Variants in DAGLA observed in about 807,000 individuals in gnomAD.
DAGLA encodes the protein diacylglycerol lipase-alpha.
A neutral mutation model predicts 102.6 loss-of-function variants in DAGLA; 22 were observed. That is an observed-to-expected ratio of 0.21 (90% CI 0.15 to 0.31). The LOEUF is 0.31. DAGLA is among the 10% of genes least tolerant of loss of function. The probability of loss-of-function intolerance (pLI) is 1.00; values close to 1 mark genes in which losing one functional copy is unlikely to be tolerated. For synonymous variants in DAGLA, 578 were observed against 628.9 expected, an observed-to-expected ratio of 0.92 and a Z score of 1.21; for missense variants, 927 against 1,446.6, an observed-to-expected ratio of 0.64 and a Z score of 5.83.
intron 6 of DAGLA, among the ~76,000 whole-genome samples, chr11:61,727,628 G>C (rs2065340039): frequency 6.6e-6 from 1 of 152,210 alleles, no homozygotes; most frequent in Admixed American, 6.5e-5. Context: ...CCCCCTTCTA[G>C]GGCACATTGT....
chr11:61,730,631 C>T (rs2135593725), intron 8 of DAGLA, among the ~76,000 whole-genome samples: 1 of 152,322 alleles, frequency 6.6e-6, no homozygotes, highest in East Asian at 1.9e-4. Flanking sequence ...CTCCCTCCAC[C>T]CCAGCAGCCA....
At chr11:61,738,335 G>A (rs889694830) in intron 16 of DAGLA, 128 bp downstream of exon 16, 7 of 738,484 alleles carry the variant, frequency 9.5e-6, no homozygotes, top group Middle Eastern at 2.4e-4. Context: ...TGTGGCTGGT[G>A]TTGTGGGAAC....
intron 1 of DAGLA, among the ~76,000 whole-genome samples, chr11:61,705,639 C>G (rs1308439204): frequency 6.6e-6 from 1 of 152,248 alleles, no homozygotes; most frequent in East Asian, 1.9e-4. Context: ...CTTGAAGTTT[C>G]TTTCCTTCTG....
chr11:61,720,630 G>C, intron 2 of DAGLA, 49 bp from the exon 3 acceptor site: 1 of 1,577,694 alleles, frequency 6.3e-7, no homozygotes, highest in Non-Finnish European at 8.7e-7. Flanking sequence ...GTAGCATCTC[G>C]AGGTACAGGG....
Position 61,720,857 on chromosome 11 carries a change from G to A in DAGLA, c.274G>A (p.Asp92Asn). 1 of 1,613,432 alleles carries A rather than the reference G, an allele frequency of 6.2e-7. No individual in the cohort carries two copies. The highest frequency in any genetic ancestry group is 1.1e-5 in the South Asian group (1 of 91,080). Residue 92 changes from aspartate to asparagine, a missense_variant, in exon 3 of 20, where the codon GAC (aspartate) becomes AAC (asparagine). By Grantham distance (23) the Asp-to-Asn change is conservative. Transcript: ENST00000257215. Reference sequence around the variant, plus strand: ...GGGCATCCTCTACACGGAGCCCCGTGACTCCATGCAGTACGTGCTCTACGT... The same window carrying A: ...GGGCATCCTCTACACGGAGCCCCGTAACTCCATGCAGTACGTGCTCTACGT... ...RGGILYTEPR[D>N]SMQYVLYVRL...
At chr11:61,722,459 G>T (rs1015856475) in intron 3 of DAGLA, among the ~76,000 whole-genome samples, 9 of 152,304 alleles carry the variant, frequency 5.9e-5, no homozygotes, top group East Asian at 1.9e-4. Flanking sequence ...GGTGGTGGGT[G>T]CGTGTAATCC....
rs140879732 is a variant in DAGLA at position 61,704,843 on chromosome 11, G to A, written c.-44-15269G>A. 9.9e-5 allele frequency among the ~76,000 whole-genome samples: 15 copies of A among 152,218 alleles called. No individual in the cohort carries two copies. The East Asian group carries it at 2.3e-3, about 23-fold the overall frequency. On this transcript the variant is annotated intron_variant, in intron 1 of 19. Coordinates refer to ENST00000257215, the MANE Select transcript of DAGLA (RefSeq NM_006133.3). ...CCTCTGCGTAGTCCTATTCATGGTC[G>A]GGCCCGGATGGCAGGAAGAGTGGGG...
chr11:61,702,774 G>C (rs1487415023), intron 1 of DAGLA, among the ~76,000 whole-genome samples: 2 of 152,186 alleles, frequency 1.3e-5, no homozygotes, highest in Middle Eastern at 3.2e-3. Context: ...CACGGCCCCA[G>C]ATGCATAGGG....
At chr11:61,730,856 C>T (rs1381786845) in intron 8 of DAGLA, among the ~76,000 whole-genome samples, 2 of 152,206 alleles carry the variant, frequency 1.3e-5, no homozygotes, top group African/African-American at 4.8e-5. Flanking sequence ...CCTGGCCTAG[C>T]GTGGCTGCCC....
Position 61,743,758 on chromosome 11 carries a change from T to G in DAGLA, c.2398T>G (p.Phe800Val). 1 of 1,612,438 alleles carries G rather than the reference T, an allele frequency of 6.2e-7. No individual in the cohort carries two copies. Among genetic ancestry groups the G allele is most frequent in the Non-Finnish European group, 8.5e-7 (1 of 1,179,902 alleles). Residue 800 changes from phenylalanine to valine, a missense_variant, in exon 20 of 20, where the codon TTC becomes GTC. Physicochemically the swap from Phe to Val is conservative, Grantham distance 50 (BLOSUM62 -1). Transcript: ENST00000257215. ...CTTCGACTCGCGCCGCTCCTCAGGC[T>G]TCCGCAGCATCCGGGGCTCCCCCAG... is the stretch of plus-strand genomic sequence containing the variant. ...YSFDSRRSSG[F>V]RSIRGSPSLH...
chr11:61,725,388 G>C (rs2065316868), intron 5 of DAGLA, among the ~76,000 whole-genome samples: 1 of 152,136 alleles, frequency 6.6e-6, no homozygotes, highest in South Asian at 2.1e-4. Flanking sequence ...CAACCATGTG[G>C]GTGAGGGGTA....
At chr11:61,738,812 C>T (rs1376531345) in intron 16 of DAGLA, among the ~76,000 whole-genome samples, 1 of 152,122 alleles carries the variant, frequency 6.6e-6, no homozygotes, top group Non-Finnish European at 1.5e-5. Context: ...TGTGTGGTCA[C>T]CCCTCCTCAC....
Position 61,686,885 on chromosome 11 carries a change from C to T in DAGLA, c.-45+6381C>T, listed in dbSNP as rs1052795727. ...CTGGCTGCTCCTGATGGGCAGGCCA[C>T]ACCGTGGAGTGGGCTCCCTGGGGCT... On this transcript the variant is annotated intron_variant, in intron 1 of 19. Transcript: ENST00000257215. The surrounding 1 kb of genome is among the most constrained non-coding windows in gnomAD (Gnocchi z 5.2). 6.6e-6 allele frequency among the ~76,000 whole-genome samples: 1 copy of T among 152,178 alleles called. No individual in the cohort carries two copies. Among genetic ancestry groups the T allele is most frequent in the Non-Finnish European group, 1.5e-5 (1 of 68,036 alleles).
chr11:61,726,173 C>A, intron 6 of DAGLA, 91 bp downstream of exon 6: 1 of 1,254,512 alleles, frequency 8.0e-7, no homozygotes, highest in Non-Finnish European at 1.1e-6. Context: ...CAGGATGGGG[C>A]AGGGCTGGTG....
At chr11:61,727,104 G>C (rs895368342) in intron 6 of DAGLA, among the ~76,000 whole-genome samples, 3 of 152,252 alleles carry the variant, frequency 2.0e-5, no homozygotes, top group Non-Finnish European at 4.4e-5. Context: ...TCACAGCAGA[G>C]CCCCACGGCA....
In DAGLA at chr11:61,684,725, G is replaced by A. The variant is rs2064972728; in HGVS notation, c.-45+4221G>A. 6.6e-6 allele frequency among the ~76,000 whole-genome samples: 1 copy of A among 152,150 alleles called. No homozygotes were observed. Among genetic ancestry groups the A allele is most frequent in the Non-Finnish European group, 1.5e-5 (1 of 68,036 alleles). On this transcript the variant is annotated intron_variant, in intron 1 of 19. Transcript: ENST00000257215. This position sits in a 1 kb window ranked among gnomAD's most constrained non-coding sequence, Gnocchi z 4.5. ...GTTGCTTGTGCCCATAAGTGTTTCT[G>A]TGGGAAGTGAGGGCGGAGGGGGTGT...
chr11:61,729,083 C>T (rs1184417720), intron 8 of DAGLA, 75 bp downstream of exon 8: 30 of 1,355,366 alleles, frequency 2.2e-5, no homozygotes, highest in African/African-American at 2.9e-5. Context: ...AAGCAAACTC[C>T]TCCCAGCTGC....
chr11:61,711,141 G>C (rs2065191683), intron 1 of DAGLA, among the ~76,000 whole-genome samples: 1 of 152,142 alleles, frequency 6.6e-6, no homozygotes, highest in African/African-American at 2.4e-5. Context: ...AGACCACCGG[G>C]GCAGGTAGAA....
At chr11:61,708,894 C>T (rs890560411) in intron 1 of DAGLA, among the ~76,000 whole-genome samples, 1 of 152,234 alleles carries the variant, frequency 6.6e-6, no homozygotes, top group African/African-American at 2.4e-5. Context: ...TTCTGAGCCC[C>T]TGCCCCTTCC....
Sources: allele counts gnomAD v4.1 joint callset (sites outside exome capture counted in the v4.1 genomes callset), GRCh38; gene constraint gnomAD v4.1.1; non-coding constraint Gnocchi (gnomAD v3.1); transcripts MANE v1.5; gene names NCBI Gene and HGNC (gene_info 2026-07-23, HGNC 2026-07-21).